VIRMA: variants seen among roughly 807,000 people sequenced by gnomAD.
The protein encoded by VIRMA is vir like m6A methyltransferase associated, also known as protein virilizer homolog.
In VIRMA, 65 loss-of-function variants were observed where a neutral mutation model predicts 182.4. The ratio of observed to expected loss-of-function variants is 0.36; its 90% confidence interval spans 0.29 to 0.44. The LOEUF is 0.44. Among genes scored for constraint, VIRMA ranks in the 20% least tolerant of loss-of-function variants. VIRMA has a pLI of 1.00. For missense variants in VIRMA, 1,752 were observed against 2,158.1 expected (o/e 0.81, Z 3.73); for synonymous variants, 709 against 743.1 (o/e 0.95, Z 0.75).
At chr8:94,517,366 C>T (rs1814596058) in intron 10 of VIRMA, among the ~76,000 whole-genome samples, 1 of 152,176 alleles carries the variant, frequency 6.6e-6, no homozygotes, top group African/African-American at 2.4e-5. Context: ...GCACGCCCAG[C>T]TAATTTTTGT....
At chr8:94,505,883 G>A (rs56302978) in intron 16 of VIRMA, among the ~76,000 whole-genome samples, 36,009 of 151,602 alleles carry the variant, frequency 0.24, 5,311 homozygotes, top group East Asian at 0.5. Context: ...CTGCATCCAC[G>A]GATTCCACCA....
At position 94,520,499 on chromosome 8, in the gene VIRMA, CA is replaced by C. The variant is rs1018459106; in HGVS notation, c.2022-1024del. Among the ~76,000 whole-genome samples the C allele has an allele frequency of 6.4e-3, 929 of 145,118 alleles. 12 individuals are homozygous for C. The highest frequency in any genetic ancestry group is 0.022 in the African/African-American group (880 of 39,596). ...TAGGTGAAAGAGCAAGACTCTGTCT[CA>C]AAAAAAAAAGACAGAAAAGAATGTA... On this transcript the variant is annotated intron_variant, in intron 8 of 23. Coordinates refer to ENST00000297591, the MANE Select transcript of VIRMA (RefSeq NM_015496.5).
Position 94,541,634 on chromosome 8 carries a change from C to A in VIRMA, c.179+2193G>T, listed in dbSNP as rs112387905. Among the ~76,000 whole-genome samples the A allele has an allele frequency of 4.8e-3, 734 of 151,900 alleles. 9 individuals carry two copies. The highest frequency in any genetic ancestry group is 0.017 in the African/African-American group (699 of 41,438). ...TCAGATCACTGCAACCTCCACCCCC[C>A]AGGTTCAGGCGATTCTCCTGCCTCA... On this transcript the variant is annotated intron_variant, in intron 2 of 23. Transcript: ENST00000297591.
rs376858663 is a variant in VIRMA, at chr8:94,538,271, A to G, written c.255T>C (p.Asp85=). The change falls in exon 3 of 24, where the codon GAT becomes GAC. Residue 85 remains aspartate (D), a synonymous_variant. Coordinates refer to ENST00000297591, the MANE Select transcript of VIRMA (RefSeq NM_015496.5). Reference sequence around the variant, plus strand: ...TAGCAGGTACATACCTTCCCAACCTATCGAAAACAGGGGCACTTGGTTTGC... The same window carrying G: ...TAGCAGGTACATACCTTCCCAACCTGTCGAAAACAGGGGCACTTGGTTTGC... ...NVSKPSAPVF[D]RLGSLEYDEN... 566 of 1,610,876 alleles carry G rather than the reference A, an allele frequency of 3.5e-4. No individual in the cohort carries two copies. The highest frequency in any genetic ancestry group is 4.6e-4 in the Non-Finnish European group (543 of 1,177,244).
chr8:94,548,901 C>A (rs1815873263), intron 1 of VIRMA, among the ~76,000 whole-genome samples: 1 of 152,136 alleles, frequency 6.6e-6, no homozygotes, highest in African/African-American at 2.4e-5. Context: ...TCGTGATCCC[C>A]CTGCCTCAGC....
chr8:94,519,134 G>A lies in VIRMA; in HGVS notation c.2364C>T (p.Asp788=). 5.0e-6 allele frequency: 8 copies of A among 1,614,082 alleles called. No individual in the cohort carries two copies. The highest frequency in any genetic ancestry group is 5.1e-6 in the Non-Finnish European group (6 of 1,180,008). The change falls in exon 9 of 24, where the codon GAC becomes GAT. Residue 788 remains aspartate, a synonymous_variant. Coordinates refer to ENST00000297591, the MANE Select transcript of VIRMA (RefSeq NM_015496.5). The part of the protein sequence containing the change: ...FQRCTASEET[D]HSDLLGTLHN... ...GCAGGGTTCCCAAGAGATCTGAATG[G>A]TCTGTTTCTTCACTGGCTGTACAAC...
At chr8:94,546,424 A>G (rs766053401) in intron 1 of VIRMA, among the ~76,000 whole-genome samples, 1 of 151,104 alleles carries the variant, frequency 6.6e-6, no homozygotes, top group Non-Finnish European at 1.5e-5. Flanking sequence ...TCATCTATCT[A>G]TTCAAACACT....
At chr8:94,544,932 A>C (rs1288378414) in intron 1 of VIRMA, among the ~76,000 whole-genome samples, 1 of 152,172 alleles carries the variant, frequency 6.6e-6, no homozygotes, top group Non-Finnish European at 1.5e-5. Flanking sequence ...CTAAAATTAA[A>C]AAACAAAACA....
intron 15 of VIRMA, 58 bp downstream of exon 15, chr8:94,509,630 A>ACT: frequency 9.9e-7 from 1 of 1,009,946 alleles, no homozygotes; most frequent in Non-Finnish European, 1.3e-6. Flanking sequence ...TTAAATACAC[A>ACT]CACACACACA....
intron 15 of VIRMA, among the ~76,000 whole-genome samples, chr8:94,507,021 T>C (rs1814174876): frequency 1.3e-5 from 2 of 152,256 alleles, no homozygotes; most frequent in Middle Eastern, 3.4e-3. Context: ...AGTTTCTGTT[T>C]TCAATAGGTT....
intron 1 of VIRMA, among the ~76,000 whole-genome samples, chr8:94,549,172 T>C (rs1050850238): frequency 4.6e-5 from 7 of 152,244 alleles, no homozygotes; most frequent in African/African-American, 1.2e-4. Flanking sequence ...ACTCAGTGGA[T>C]TGGCCTTATA....
intron 22 of VIRMA, 57 bp downstream of exon 22, chr8:94,491,521 C>T: frequency 7.0e-7 from 1 of 1,437,820 alleles, no homozygotes; most frequent in Non-Finnish European, 9.6e-7. Context: ...CACTTTCATT[C>T]AATATTTTAA....
chr8:94,506,558 A>T lies in VIRMA; in HGVS notation c.4039T>A (p.Cys1347Ser), dbSNP rs752721117. The change falls in exon 16 of 24, where the codon TGT becomes AGT. Residue 1347 changes from cysteine to serine, a missense_variant. By Grantham distance (112) the Cys-to-Ser change is moderately radical. Coordinates refer to ENST00000297591, the MANE Select transcript of VIRMA (RefSeq NM_015496.5). The part of the protein sequence containing the change: ...SESSYNCLLT[C>S]VRTMMFLAEH... ...GCAAGAAACATCATTGTTCTGACAC[A>T]TGTCAGTAAACAGTTGTAACTGCTC... The T allele has an allele frequency of 6.2e-7, 1 of 1,613,600 alleles. No homozygotes were observed. The highest frequency in any genetic ancestry group is 1.7e-5 in the Admixed American group (1 of 60,022).
intron 1 of VIRMA, chr8:94,547,206 C>T (rs1752336435): frequency 4.2e-6 from 1 of 237,476 alleles, no homozygotes; most frequent in Non-Finnish European, 8.5e-6. Flanking sequence ...CTAGCATATT[C>T]ATTTAATAAA....
At chr8:94,534,481 C>A in intron 5 of VIRMA, 2 of 252,690 alleles carry the variant, frequency 7.9e-6, no homozygotes, top group Non-Finnish European at 7.5e-6. Flanking sequence ...GAATGGGAGA[C>A]TAACAGATAG....
chr8:94,534,936 A>G lies in VIRMA; in HGVS notation c.387T>C (p.Asp129=). Residue 129 remains aspartate, a synonymous_variant, in exon 5 of 24, where the codon GAT becomes GAC. Coordinates refer to ENST00000297591, the MANE Select transcript of VIRMA (RefSeq NM_015496.5). ...CLTLAIYGSV[D]RVISHDRDSP... The stretch of plus-strand genomic sequence containing the variant: ...AGTCTCTGTCATGACTTATCACTCT[A>G]TCCACTGATCCATATATTGCCAGTG... The G allele has an allele frequency of 2.5e-6, 4 of 1,613,980 alleles. No homozygotes were observed. The highest frequency in any genetic ancestry group is 3.4e-6 in the Non-Finnish European group (4 of 1,179,968).
chr8:94,541,928 T>C (rs1586111033), intron 2 of VIRMA, among the ~76,000 whole-genome samples: 1 of 152,256 alleles, frequency 6.6e-6, no homozygotes, highest in East Asian at 1.9e-4. Flanking sequence ...TTTCTGATAC[T>C]TTATGTTTAG....
Position 94,519,184 on chromosome 8 carries a change from T to TA in VIRMA, c.2313dup (p.Thr772TyrfsTer14). On this transcript the variant is annotated frameshift_variant, in exon 9 of 24. Coordinates refer to ENST00000297591, the MANE Select transcript of VIRMA (RefSeq NM_015496.5). LOFTEE classifies it high-confidence loss of function. The stretch of plus-strand genomic sequence containing the variant: ...CGCTGAAAATGGCTGAACAGTTCTG[T>TA]AATACATTGCAATGTCTGTGTTGAG... 1 of 1,614,144 alleles carries TA rather than the reference T, an allele frequency of 6.2e-7. No homozygotes were observed. The highest frequency in any genetic ancestry group is 8.5e-7 in the Non-Finnish European group (1 of 1,179,998).
Position 94,519,199 on chromosome 8 carries a change from T to C in VIRMA, c.2299A>G (p.Thr767Ala), listed in dbSNP as rs1019241595. 1 of 1,614,138 alleles carries C rather than the reference T, an allele frequency of 6.2e-7. No individual in the cohort carries two copies. The highest frequency in any genetic ancestry group is 8.5e-7 in the Non-Finnish European group (1 of 1,179,974). ...FALWLQDSTQ[T>A]LQCITELFSH... ...AACAGTTCTGTAATACATTGCAATGTCTGTGTTGAGTCCTGTAGCCACAAG... is the reference window on the plus strand; with the variant it reads ...AACAGTTCTGTAATACATTGCAATGCCTGTGTTGAGTCCTGTAGCCACAAG... Residue 767 changes from threonine to alanine, a missense_variant, in exon 9 of 24, where the codon ACA becomes GCA. Coordinates refer to ENST00000297591, the MANE Select transcript of VIRMA (RefSeq NM_015496.5).
Sources: allele counts gnomAD v4.1 joint callset (sites outside exome capture counted in the v4.1 genomes callset), GRCh38; gene constraint gnomAD v4.1.1; transcripts MANE v1.5; gene names NCBI Gene and HGNC (gene_info 2026-07-23, HGNC 2026-07-21).